Variants in CEACAM19 observed in about 807,000 individuals in gnomAD.
CEACAM19 encodes cell adhesion molecule CEACAM19.
A neutral mutation model predicts 37.6 loss-of-function variants in CEACAM19; 37 were observed. The observed-to-expected ratio is 0.98, with a 90% CI of 0.76 to 1.29. CEACAM19 has a LOEUF of 1.29. CEACAM19 is among the 50% of genes most tolerant of loss of function. The pLI is 0.00. For missense variants in CEACAM19, 340 were observed against 375.6 expected, an observed-to-expected ratio of 0.91 and a Z score of 0.78; for synonymous variants, 140 against 149.8, an observed-to-expected ratio of 0.93 and a Z score of 0.48.
At position 44,681,317 on chromosome 19, in the gene CEACAM19, G is replaced by A. The variant is rs1974055371; in HGVS notation, c.792+5G>A. The A allele has an allele frequency of 1.2e-6, 2 of 1,608,996 alleles. No homozygotes were observed. The highest frequency in any genetic ancestry group is 1.7e-6 in the Non-Finnish European group (2 of 1,175,840). ...AGGTCCATAAACCCAGCCCGGGTGAGTCCCGTCCCCAGCCTCTCCCCTGAA... is the reference window on the plus strand; with the variant it reads ...AGGTCCATAAACCCAGCCCGGGTGAATCCCGTCCCCAGCCTCTCCCCTGAA... On this transcript the variant is annotated splice_donor_5th_base_variant and intron_variant, in intron 6 of 7. Transcript: ENST00000358777.
rs777706141 is a variant in CEACAM19, at chr19:44,680,293, C to T, written c.665C>T (p.Ala222Val). 6.2e-6 allele frequency: 10 copies of T among 1,609,100 alleles called. No individual in the cohort carries two copies. The highest frequency in any genetic ancestry group is 2.2e-5 in the East Asian group (1 of 44,858). The change falls in exon 5 of 8, where the codon GCG becomes GTG. Residue 222 changes from alanine (A) to valine (V), a missense_variant. Coordinates refer to ENST00000358777, the MANE Select transcript of CEACAM19 (RefSeq NM_001127893.3). Reference protein sequence around the residue: ...VPSVTPSTWMATTEKPELGPA... With the variant: ...VPSVTPSTWMVTTEKPELGPA... ...TTCCCTCTATGTGTCCCCAGGATGG[C>T]GACCACAGAGAAGCCAGAATTGGGC...
chr19:44,669,544 A>G (rs1311177746), upstream of CEACAM19, among the ~76,000 whole-genome samples: 1 of 151,096 alleles, frequency 6.6e-6, no homozygotes, highest in African/African-American at 2.4e-5. Flanking sequence ...GATCTCTCCT[A>G]CCTCCCAGCC....
chr19:44,667,615 T>C (rs1380620877), upstream of CEACAM19, among the ~76,000 whole-genome samples: 1 of 97,794 alleles, frequency 1.0e-5, no homozygotes, highest in Admixed American at 1.7e-4. Flanking sequence ...ATATATATTA[T>C]ATATTTATAA....
Position 44,672,800 on chromosome 19 carries a change from C to A in CEACAM19, c.260C>A (p.Pro87His). 6.3e-7 allele frequency: 1 copy of A among 1,594,354 alleles called. No individual in the cohort carries two copies. The highest frequency in any genetic ancestry group is 8.6e-7 in the Non-Finnish European group (1 of 1,169,076). The change falls in exon 2 of 8, where the codon CCT (proline) becomes CAT (histidine). Residue 87 changes from proline to histidine, a missense_variant. Physicochemically the swap from Pro to His is moderately conservative, Grantham distance 77 (BLOSUM62 -2). Coordinates refer to ENST00000358777, the MANE Select transcript of CEACAM19 (RefSeq NM_001127893.3). ...ACCTACATCCCTGGGATACAACGGCCTCAGAGGGATGGCAGTGCCATGGGA... is the reference window on the plus strand; with the variant it reads ...ACCTACATCCCTGGGATACAACGGCATCAGAGGGATGGCAGTGCCATGGGA... The part of the protein sequence containing the change: ...LFTYIPGIQR[P>H]QRDGSAMGQR...
chr19:44,668,494 T>A (rs1599783720), upstream of CEACAM19, among the ~76,000 whole-genome samples: 1 of 59,496 alleles, frequency 1.7e-5, no homozygotes, highest in Non-Finnish European at 2.8e-5. Flanking sequence ...ATTATATATA[T>A]TATATATATT....
intron 3 of CEACAM19, 131 bp from the exon 4 acceptor site, chr19:44,678,722 A>T: frequency 7.6e-7 from 1 of 1,308,686 alleles, no homozygotes; most frequent in Non-Finnish European, 1.0e-6. Flanking sequence ...CTATTTTTTT[A>T]CTCAAAACCG....
In CEACAM19 at chr19:44,680,348, C is replaced by T; in HGVS notation, c.706+14C>T. The T allele has an allele frequency of 1.2e-6, 2 of 1,608,930 alleles. No homozygotes were observed. The highest frequency in any genetic ancestry group is 1.7e-6 in the Non-Finnish European group (2 of 1,178,134). ...CTCATGATGCTGGTAAGGCGGGAGC[C>T]CCAGATCTCACTACCTAGCCCTCCT... On this transcript the variant is annotated intron_variant, in intron 5 of 7. Transcript: ENST00000358777.
chr19:44,666,054 C>G (rs1338862068), intron 1 of CEACAM19: 1 of 152,248 alleles, frequency 6.6e-6, no homozygotes, highest in African/African-American at 2.4e-5. Flanking sequence ...ACCTCTGTTA[C>G]CAGCAGTGAC....
At chr19:44,681,712 C>G (rs13382048) in intron 6 of CEACAM19, among the ~76,000 whole-genome samples, 1 of 151,794 alleles carries the variant, frequency 6.6e-6, no homozygotes, top group African/African-American at 2.4e-5. Context: ...GGTGGATCAC[C>G]TGAGGTCAGG....
chr19:44,667,776 TAATATATAAA>T (rs1181709077), upstream of CEACAM19, among the ~76,000 whole-genome samples: 2 of 71,488 alleles, frequency 2.8e-5, no homozygotes, highest in African/African-American at 1.2e-4. Flanking sequence ...TATTTATATA[TAATATATAAA>T]TATATATAAA....
chr19:44,680,332 C>T lies in CEACAM19; in HGVS notation c.704C>T (p.Ala235Val). Reference sequence around the variant, plus strand: ...CCAGAATTGGGCCCTGCTCATGATGCTGGTAAGGCGGGAGCCCCAGATCTC... The same window carrying T: ...CCAGAATTGGGCCCTGCTCATGATGTTGGTAAGGCGGGAGCCCCAGATCTC... Reference protein sequence around the residue: ...EKPELGPAHDAGDNNIYEVMP... With the variant: ...EKPELGPAHDVGDNNIYEVMP... Residue 235 changes from alanine to valine, a missense_variant and splice_region_variant, in exon 5 of 8, where the codon GCT (alanine) becomes GTT (valine). Transcript: ENST00000358777. The T allele has an allele frequency of 6.2e-7, 1 of 1,610,646 alleles. No homozygotes were observed. Among genetic ancestry groups the T allele is most frequent in the Non-Finnish European group, 8.5e-7 (1 of 1,179,206 alleles).
At chr19:44,682,760 C>T (rs1423242391) in intron 7 of CEACAM19, 140 bp downstream of exon 7, 9 of 751,082 alleles carry the variant, frequency 1.2e-5, no homozygotes, top group African/African-American at 1.8e-5. Flanking sequence ...TCTCTGCTCT[C>T]GAAGAAGCCC....
upstream of CEACAM19, among the ~76,000 whole-genome samples, chr19:44,668,063 T>C (rs1319175504): frequency 1.2e-5 from 1 of 86,378 alleles, no homozygotes; most frequent in African/African-American, 4.9e-5. Flanking sequence ...TATATAAATA[T>C]ATAATATATA....
At chr19:44,669,885 C>T (rs893309566), upstream of CEACAM19, among the ~76,000 whole-genome samples, 1 of 152,170 alleles carries the variant, frequency 6.6e-6, no homozygotes, top group Non-Finnish European at 1.5e-5. Context: ...TCTGCCCCCC[C>T]AAACCCTACA....
At chr19:44,675,242 C>T (rs377663451) in intron 2 of CEACAM19, among the ~76,000 whole-genome samples, 9 of 151,950 alleles carry the variant, frequency 5.9e-5, no homozygotes, top group Non-Finnish European at 1.3e-4. Flanking sequence ...AAGGCCACAC[C>T]GCCAGTGGGC....
At chr19:44,682,541 C>T (rs1402097727) in intron 6 of CEACAM19, 26 bp from the exon 7 acceptor site, 1 of 1,582,512 alleles carries the variant, frequency 6.3e-7, no homozygotes, top group Admixed American at 1.8e-5. Context: ...GCCGAGCGCC[C>T]ACTCACCCGT....
intron 2 of CEACAM19, among the ~76,000 whole-genome samples, chr19:44,675,393 A>G (rs983390007): frequency 2.0e-5 from 3 of 152,100 alleles, no homozygotes; most frequent in Admixed American, 6.6e-5. Context: ...GTCCAGTTTA[A>G]GAATCCTCCA....
chr19:44,668,142 T>TTATATAA (rs1253819285), upstream of CEACAM19, among the ~76,000 whole-genome samples: 3 of 85,578 alleles, frequency 3.5e-5, no homozygotes, highest in African/African-American at 1.4e-4. Context: ...ATATAATATA[T>TTATATAA]TATATATATT....
At position 44,680,281 on chromosome 19, in the gene CEACAM19, T is replaced by TC. The variant is rs1974031731; in HGVS notation, c.660-3dup. ...TCCTAATATCAATTCCCTCTATGTG[T>TC]CCCCAGGATGGCGACCACAGAGAAG... On this transcript the variant is annotated splice_polypyrimidine_tract_variant and splice_region_variant and intron_variant, in intron 4 of 7. Transcript: ENST00000358777. 1 of 1,605,606 alleles carries TC rather than the reference T, an allele frequency of 6.2e-7. No homozygotes were observed. Among genetic ancestry groups the TC allele is most frequent in the South Asian group, 1.1e-5 (1 of 90,850 alleles).
Sources: gnomAD v4.1 joint callset for allele counts (sites outside exome capture counted in the v4.1 genomes callset) on GRCh38, gnomAD v4.1.1 for gene constraint, MANE v1.5 for transcripts, NCBI Gene and HGNC (gene_info 2026-07-23, HGNC 2026-07-21) for gene names.